RAP1GAP2: variants seen among roughly 807,000 people sequenced by gnomAD.
RAP1GAP2 encodes the protein rap1 GTPase-activating protein 2.
Under a neutral mutation model 95.0 loss-of-function variants are expected in RAP1GAP2, and 27 were observed. The ratio of observed to expected loss-of-function variants is 0.28; its 90% confidence interval spans 0.21 to 0.39. RAP1GAP2 has a LOEUF of 0.39. Ranked by LOEUF, RAP1GAP2 falls within the 10% of genes least tolerant of loss-of-function variation. The pLI is 1.00. For missense variants in RAP1GAP2, 771 were observed against 970.0 expected (o/e 0.79, Z 2.72); for synonymous variants, 373 against 380.9 (o/e 0.98, Z 0.24).
intron 8 of RAP1GAP2, among the ~76,000 whole-genome samples, chr17:2,972,142 G>T (rs2044890361): frequency 6.6e-6 from 1 of 152,112 alleles, no homozygotes; most frequent in Non-Finnish European, 1.5e-5. Flanking sequence ...AGGTAAAAAA[G>T]AAACCTGAAC....
chr17:2,770,080 A>AG (rs1195659664), intron 1 of RAP1GAP2, among the ~76,000 whole-genome samples: 1 of 150,398 alleles, frequency 6.6e-6, no homozygotes, highest in East Asian at 1.9e-4. Flanking sequence ...CTCAAAACAA[A>AG]AAAAAAAAAA....
intron 2 of RAP1GAP2, among the ~76,000 whole-genome samples, chr17:2,814,353 T>A (rs1337973503): frequency 6.6e-6 from 1 of 152,204 alleles, no homozygotes; most frequent in Non-Finnish European, 1.5e-5. Context: ...CACTTTCGCC[T>A]GTGGCTGTGC....
chr17:2,785,271 G>A (rs1364512318), intron 1 of RAP1GAP2, among the ~76,000 whole-genome samples: 2 of 152,096 alleles, frequency 1.3e-5, no homozygotes, highest in African/African-American at 4.8e-5. Flanking sequence ...GGGCTCAAAG[G>A]GGGACTCTGG....
At chr17:2,771,401 T>G (rs1467616363) in intron 2 of RAP1GAP2, among the ~76,000 whole-genome samples, 1 of 151,804 alleles carries the variant, frequency 6.6e-6, no homozygotes, top group Non-Finnish European at 1.5e-5. Context: ...TGGCAACCCT[T>G]CTGCAGCCAC....
At chr17:3,000,193 C>T (rs1050320258) in intron 14 of RAP1GAP2, among the ~76,000 whole-genome samples, 2 of 152,368 alleles carry the variant, frequency 1.3e-5, no homozygotes, top group South Asian at 2.1e-4. Context: ...AAGTGATCTG[C>T]CTGCCTCTGC....
intron 2 of RAP1GAP2, among the ~76,000 whole-genome samples, chr17:2,892,929 C>A (rs1311835679): frequency 1.3e-5 from 2 of 152,084 alleles, no homozygotes; most frequent in African/African-American, 4.8e-5. Context: ...GATCTTTTTT[C>A]TCTTCCCTCT....
intron 1 of RAP1GAP2, among the ~76,000 whole-genome samples, chr17:2,789,453 G>C (rs573521156): frequency 3.3e-5 from 5 of 152,018 alleles, no homozygotes; most frequent in African/African-American, 1.2e-4. Context: ...TCAGAGCCAT[G>C]TGTGGCTAAA....
At position 2,796,712 on chromosome 17, in the gene RAP1GAP2, G is replaced by A. The variant is rs1259720130; in HGVS notation, c.44+141G>A. 1.1e-6 allele frequency: 1 copy of A among 947,196 alleles called. No homozygotes were observed. The highest frequency in any genetic ancestry group is 1.6e-5 in the African/African-American group (1 of 61,532). The allele number at this position is 947,196 out of a possible 1,614,324, so 58.7% of individuals were successfully genotyped here. On this transcript the variant is annotated intron_variant, in intron 1 of 24. Coordinates refer to ENST00000254695, the MANE Select transcript of RAP1GAP2 (RefSeq NM_015085.5). This position sits in a 1 kb window ranked among gnomAD's most constrained non-coding sequence, Gnocchi z 4.7. Reference sequence around the variant, plus strand: ...GTCTGCTGACGCCCTGGCAGGTCGAGATGCAGGATCCTGGTGGGGACATCA... The same window carrying A: ...GTCTGCTGACGCCCTGGCAGGTCGAAATGCAGGATCCTGGTGGGGACATCA...
intron 18 of RAP1GAP2, among the ~76,000 whole-genome samples, chr17:3,019,481 T>C (rs1057501817): frequency 6.6e-6 from 1 of 152,162 alleles, no homozygotes; most frequent in African/African-American, 2.4e-5. Context: ...GCCACTGCAC[T>C]CCAGCCTGGA....
At chr17:2,989,007 C>T (rs571728353) in intron 11 of RAP1GAP2, among the ~76,000 whole-genome samples, 3 of 151,942 alleles carry the variant, frequency 2.0e-5, no homozygotes, top group South Asian at 2.1e-4. Flanking sequence ...TGCCGTGAGC[C>T]GAGATTGCAC....
chr17:2,923,649 T>C (rs1222861008), intron 3 of RAP1GAP2, among the ~76,000 whole-genome samples: 2 of 125,482 alleles, frequency 1.6e-5, no homozygotes, highest in Non-Finnish European at 3.3e-5. Flanking sequence ...CTTAGATAAT[T>C]TTTATCAGTT....
At chr17:2,832,444 G>C (rs534032606) in intron 2 of RAP1GAP2, among the ~76,000 whole-genome samples, 1 of 150,038 alleles carries the variant, frequency 6.7e-6, no homozygotes, top group African/African-American at 2.5e-5. Context: ...TGTAGTCCCA[G>C]CTACTCGGGA....
At chr17:2,828,062 C>CG (rs2070658776) in intron 2 of RAP1GAP2, among the ~76,000 whole-genome samples, 1 of 152,108 alleles carries the variant, frequency 6.6e-6, no homozygotes, top group Non-Finnish European at 1.5e-5. Context: ...TATCCTGGGC[C>CG]GGGTGCGGTG....
chr17:2,815,819 T>C (rs987801989), intron 2 of RAP1GAP2, among the ~76,000 whole-genome samples: 2 of 152,176 alleles, frequency 1.3e-5, no homozygotes, highest in African/African-American at 4.8e-5. Flanking sequence ...GGCTGTGCGG[T>C]CACACACGTG....
chr17:3,016,088 G>T (rs766737309), intron 17 of RAP1GAP2, among the ~76,000 whole-genome samples: 18 of 152,146 alleles, frequency 1.2e-4, no homozygotes, highest in Admixed American at 2.0e-4. Flanking sequence ...GTGACTCGTG[G>T]CTCAGTCAGC....
chr17:2,827,148 T>C lies in RAP1GAP2; in HGVS notation c.80+26598T>C, dbSNP rs997987002. 2.0e-5 allele frequency among the ~76,000 whole-genome samples: 3 copies of C among 152,194 alleles called. No individual in the cohort carries two copies. The highest frequency in any genetic ancestry group is 7.2e-5 in the African/African-American group (3 of 41,452). On this transcript the variant is annotated intron_variant, in intron 2 of 24. Coordinates refer to ENST00000254695, the MANE Select transcript of RAP1GAP2 (RefSeq NM_015085.5). The surrounding 1 kb of genome is among the most constrained non-coding windows in gnomAD (Gnocchi z 4.1). ...GAGGGAAGCCTAGTAGCAGAGAAGA[T>C]GATGCCTTCGGCCTTGAGTGTGGTG...
At chr17:3,020,212 C>T (rs2046908686) in intron 18 of RAP1GAP2, among the ~76,000 whole-genome samples, 1 of 152,222 alleles carries the variant, frequency 6.6e-6, no homozygotes, top group East Asian at 1.9e-4. Flanking sequence ...GTGGGCCTGG[C>T]CCTGTGTTCC....
intron 2 of RAP1GAP2, among the ~76,000 whole-genome samples, chr17:2,822,409 C>A (rs1240625955): frequency 6.6e-6 from 1 of 152,110 alleles, no homozygotes; most frequent in East Asian, 1.9e-4. Flanking sequence ...ATCACTTGAG[C>A]CCAGGAGTTT....
chr17:2,995,233 C>A, intron 12 of RAP1GAP2, 104 bp from the exon 13 acceptor site: 1 of 1,400,012 alleles, frequency 7.1e-7, no homozygotes, highest in Non-Finnish European at 9.9e-7. Flanking sequence ...CCTGTCTCCT[C>A]TGCTGCGTAT....
Sources: gnomAD v4.1 joint callset for allele counts (sites outside exome capture counted in the v4.1 genomes callset) on GRCh38, gnomAD v4.1.1 for gene constraint, Gnocchi (gnomAD v3.1) non-coding constraint, MANE v1.5 for transcripts, NCBI Gene and HGNC (gene_info 2026-07-23, HGNC 2026-07-21) for gene names.